The following DNPEP variants were observed in gnomAD, a reference collection of about 807,000 sequenced individuals.
The protein encoded by DNPEP is aspartyl aminopeptidase.
DNPEP carries 46 observed loss-of-function variants against 59.1 expected under a neutral mutation model. That is an observed-to-expected ratio of 0.78 (90% CI 0.61 to 0.99). The LOEUF is 0.99. DNPEP is among the 50% of genes least tolerant of loss of function. The pLI is 0.00. For missense variants in DNPEP, 617 were observed against 649.9 expected (o/e 0.95, Z 0.55); for synonymous variants, 229 against 242.2 (o/e 0.95, Z 0.50).
At chr2:219,376,710 G>T (rs1464747526) in intron 13 of DNPEP, among the ~76,000 whole-genome samples, 1 of 152,174 alleles carries the variant, frequency 6.6e-6, no homozygotes, top group Non-Finnish European at 1.5e-5. Context: ...GAATTCAGGG[G>T]AAGCGGGCAT....
rs71040453 is a variant in DNPEP, at chr2:219,380,202, CT to C, written c.1239+1132del. 8.4e-4 allele frequency among the ~76,000 whole-genome samples: 109 copies of C among 129,168 alleles called. 1 individual carries two copies. Among genetic ancestry groups the C allele is most frequent in the African/African-American group, 1.5e-3 (53 of 34,542 alleles). The allele number at this position is 129,168 out of a possible 152,430, so 84.7% of individuals were successfully genotyped here. A position where few individuals can be genotyped will look rare whatever the true frequency, so the allele number is the denominator to read the frequency against. ...TTCCTGTAACTTTTCTTTTTCTTTTCTTTTTTTTTTTTTTTTGGTTTTGTTT... is the reference window on the plus strand; with the variant it reads ...TTCCTGTAACTTTTCTTTTTCTTTTCTTTTTTTTTTTTTTTGGTTTTGTTT... On this transcript the variant is annotated intron_variant, in intron 13 of 14. Transcript: ENST00000273075.
Position 219,387,860 on chromosome 2 carries a change from C to G in DNPEP, c.-66G>C. ...CCCGCCCCTCACTAGCTTTGCAGGT[C>G]CCCCGCGTGCCCCTTCAGGCCGCGC... On this transcript the variant is annotated 5_prime_UTR_variant, in exon 1 of 15. Coordinates refer to ENST00000273075, the MANE Select transcript of DNPEP (RefSeq NM_012100.4). 6.8e-7 allele frequency: 1 copy of G among 1,481,250 alleles called. No individual in the cohort carries two copies. 91.8% of individuals were successfully genotyped at this position (1,481,250 alleles called of 1,614,324 possible). A position where few individuals can be genotyped will look rare whatever the true frequency, so the allele number is the denominator to read the frequency against.
At chr2:219,388,009 G>A, upstream of DNPEP, 3 of 1,118,514 alleles carry the variant, frequency 2.7e-6, no homozygotes, top group Non-Finnish European at 3.4e-6. Flanking sequence ...CCCGCCCCTC[G>A]GCGGGCTTAC....
upstream of DNPEP, chr2:219,388,544 G>C (rs1401517877): frequency 4.0e-6 from 1 of 247,018 alleles, no homozygotes; most frequent in Admixed American, 6.5e-5. Flanking sequence ...GGGGCTGCTC[G>C]TTAGGCCCCG....
chr2:219,386,138 AC>A lies in DNPEP; in HGVS notation c.460-41del, dbSNP rs1457567865. 7 of 1,611,490 alleles carry A rather than the reference AC, an allele frequency of 4.3e-6. No homozygotes were observed. In the Admixed American group the frequency reaches 1.0e-4, roughly 23 times the overall value. On this transcript the variant is annotated intron_variant, in intron 5 of 14. Coordinates refer to ENST00000273075, the MANE Select transcript of DNPEP (RefSeq NM_012100.4). ...GCCAGGTCAGCCCAGGGTGCCTCCT[AC>A]CCCAGTGGTCAGTCTTTACTTCACT...
At chr2:219,399,118 G>A (rs768085082) in intron 1 of DNPEP, among the ~76,000 whole-genome samples, 16 of 152,346 alleles carry the variant, frequency 1.1e-4, no homozygotes, top group South Asian at 4.1e-4. Flanking sequence ...GGGTGATTCT[G>A]TGTCTGCTAT....
intron 13 of DNPEP, among the ~76,000 whole-genome samples, chr2:219,375,781 C>T (rs866604932): frequency 6.6e-5 from 10 of 152,108 alleles, no homozygotes; most frequent in African/African-American, 2.4e-4. Flanking sequence ...AGGCTGTTCT[C>T]GAACTTCTGA....
At chr2:219,388,697 C>G, upstream of DNPEP, 2 of 985,720 alleles carry the variant, frequency 2.0e-6, no homozygotes, top group Non-Finnish European at 2.4e-6. Context: ...GCCCCTCCAG[C>G]TCACCGGGTC....
chr2:219,384,632 G>C (rs1377140661), intron 8 of DNPEP, 189 bp from the exon 9 acceptor site: 1 of 477,066 alleles, frequency 2.1e-6, no homozygotes, highest in Admixed American at 3.6e-5. Flanking sequence ...GCAATGGCTC[G>C]ATCTCGGCTC....
chr2:219,378,334 C>G (rs147374466), intron 13 of DNPEP, among the ~76,000 whole-genome samples: 1 of 152,194 alleles, frequency 6.6e-6, no homozygotes, highest in African/African-American at 2.4e-5. Flanking sequence ...TCCTAAAAGA[C>G]GAGCTCATTC....
intron 1 of DNPEP, among the ~76,000 whole-genome samples, chr2:219,399,046 G>A (rs1029161759): frequency 2.0e-5 from 3 of 152,202 alleles, no homozygotes; most frequent in Admixed American, 1.3e-4. Context: ...TTTGCTTCCC[G>A]TTTATTTACT....
chr2:219,398,103 A>G (rs1221914678), intron 1 of DNPEP, among the ~76,000 whole-genome samples: 1 of 152,164 alleles, frequency 6.6e-6, no homozygotes, highest in African/African-American at 2.4e-5. Context: ...TCATCTGTAA[A>G]CCGGTGGAAG....
intron 1 of DNPEP, among the ~76,000 whole-genome samples, chr2:219,394,051 C>T (rs1358196519): frequency 6.6e-6 from 1 of 152,192 alleles, no homozygotes; most frequent in African/African-American, 2.4e-5. Context: ...ATAATCCTCC[C>T]TTAACCCCCA....
intron 9 of DNPEP, among the ~76,000 whole-genome samples, chr2:219,383,472 TC>T (rs574660873): frequency 2.4e-4 from 35 of 147,652 alleles, no homozygotes; most frequent in African/African-American, 6.5e-4. Flanking sequence ...ACCTTTTTTT[TC>T]TCTTTTTTTC....
chr2:219,385,968 A>G lies in DNPEP; in HGVS notation c.590T>C (p.Leu197Pro). 3.1e-6 allele frequency: 5 copies of G among 1,613,824 alleles called. No individual in the cohort carries two copies. Among genetic ancestry groups the G allele is most frequent in the Non-Finnish European group, 3.4e-6 (4 of 1,179,820 alleles). Residue 197 changes from leucine to proline, a missense_variant and splice_region_variant, in exon 6 of 15, where the codon CTA becomes CCA. By Grantham distance (98) the Leu-to-Pro change is moderately conservative. Coordinates refer to ENST00000273075, the MANE Select transcript of DNPEP (RefSeq NM_012100.4). ...CACCGCAGCCCTGCCCCAGTCTCAC[A>G]GATGCATCTCTGTGTTGGGCCCAAA... ...ENFGPNTEMH[L>P]VPILATAIQE...
At chr2:219,374,484 AG>A in intron 14 of DNPEP, 142 bp from the exon 15 acceptor site, 1 of 746,036 alleles carries the variant, frequency 1.3e-6, no homozygotes. Flanking sequence ...CAGTCTTCTC[AG>A]CCCTGATCCC....
upstream of DNPEP, chr2:219,387,927 C>G (rs1953924638): frequency 7.3e-7 from 1 of 1,372,006 alleles, no homozygotes; most frequent in African/African-American, 1.7e-5. Flanking sequence ...GCCGCGCCGC[C>G]CCGCCCCATG....
At chr2:219,395,890 T>C (rs1406210116) in intron 1 of DNPEP, among the ~76,000 whole-genome samples, 1 of 152,242 alleles carries the variant, frequency 6.6e-6, no homozygotes, top group Admixed American at 6.5e-5. Context: ...ACTTTGCTGC[T>C]GCAATCCTCA....
chr2:219,382,603 C>A (rs1309531170), intron 10 of DNPEP, among the ~76,000 whole-genome samples: 1 of 152,178 alleles, frequency 6.6e-6, no homozygotes, highest in Non-Finnish European at 1.5e-5. Context: ...CCCTTAAAGC[C>A]AGGGGGTGTC....
Sources: gnomAD v4.1 joint callset for allele counts (sites outside exome capture counted in the v4.1 genomes callset) on GRCh38, gnomAD v4.1.1 for gene constraint, MANE v1.5 for transcripts, NCBI Gene and HGNC (gene_info 2026-07-23, HGNC 2026-07-21) for gene names.